CDYL: variants seen among roughly 807,000 people sequenced by gnomAD.
CDYL encodes the protein chromodomain Y like.
CDYL carries 8 observed loss-of-function variants against 47.3 expected under a neutral mutation model. The observed-to-expected ratio is 0.17, with a 90% CI of 0.10 to 0.31. The LOEUF is 0.31. CDYL is among the 10% of genes least tolerant of loss of function. The pLI is 1.00. For synonymous variants in CDYL, 266 were observed against 265.0 expected, an observed-to-expected ratio of 1.00 and a Z score of -0.04; for missense variants, 471 against 701.4, an observed-to-expected ratio of 0.67 and a Z score of 3.71.
intron 2 of CDYL, among the ~76,000 whole-genome samples, chr6:4,898,260 C>T (rs1353343910): frequency 3.9e-5 from 6 of 152,110 alleles, no homozygotes; most frequent in African/African-American, 1.2e-4. Flanking sequence ...GTGCCCAGAC[C>T]AGCGCCCAGA....
intron 1 of CDYL, among the ~76,000 whole-genome samples, chr6:4,796,764 G>A (rs233477): frequency 0.34 from 52,342 of 152,004 alleles, 12,244 homozygotes; most frequent in African/African-American, 0.67. Context: ...TCTGTCTTGA[G>A]AGCACCATAT....
At chr6:4,891,688 A>G in intron 1 of CDYL, 25 bp from the exon 2 acceptor site, 1 of 1,551,560 alleles carries the variant, frequency 6.4e-7, no homozygotes, top group Non-Finnish European at 8.7e-7. Context: ...TTTTTTTAAA[A>G]CTATTTTTTT....
chr6:4,932,416 A>G (rs1758058589), intron 2 of CDYL, among the ~76,000 whole-genome samples: 1 of 151,454 alleles, frequency 6.6e-6, no homozygotes, highest in Admixed American at 6.6e-5. Context: ...CCCCACCCCC[A>G]TGACCTAATC....
Position 4,905,329 on chromosome 6 carries a change from C to T in CDYL, c.691+12950C>T, listed in dbSNP as rs193002777. ...TTTGACACTCCGTCAACCAACTTAG[C>T]GGGGTTGACCTGAGCCTTCGGACAC... is the stretch of plus-strand genomic sequence containing the variant. On this transcript the variant is annotated intron_variant, in intron 2 of 6. Coordinates refer to ENST00000397588, the MANE Select transcript of CDYL (RefSeq NM_004824.4). Among the ~76,000 whole-genome samples the T allele has an allele frequency of 1.1e-4, 16 of 152,258 alleles. 1 individual carries two copies. In the East Asian group the frequency reaches 1.9e-3, roughly 18 times the overall value.
At chr6:4,820,991 A>G (rs1759819162) in intron 1 of CDYL, among the ~76,000 whole-genome samples, 1 of 152,222 alleles carries the variant, frequency 6.6e-6, no homozygotes, top group Non-Finnish European at 1.5e-5. Context: ...AGGTTTCAGT[A>G]TTAATAGCAG....
At chr6:4,852,562 A>G (rs1326124899) in intron 1 of CDYL, among the ~76,000 whole-genome samples, 4 of 61,900 alleles carry the variant, frequency 6.5e-5, no homozygotes, top group Non-Finnish European at 1.2e-4. Context: ...CTTCCTTCCA[A>G]TCTTCCTTCC....
chr6:4,909,569 C>CATTTTT lies in CDYL; in HGVS notation c.691+17190_691+17191insATTTTT, dbSNP rs375154033. ...TGGTGTACTTGAGATAAAATTCATA[C>CATTTTT]TTTTTTTTGTTTGTTTTTGAGACGG... On this transcript the variant is annotated intron_variant, in intron 2 of 6. Transcript: ENST00000397588. Among the ~76,000 whole-genome samples the CATTTTT allele has an allele frequency of 8.6e-5, 13 of 151,796 alleles. 1 individual carries two copies. Among genetic ancestry groups the CATTTTT allele is most frequent in the African/African-American group, 3.1e-4 (13 of 41,304 alleles).
chr6:4,807,255 G>A (rs140490038), intron 1 of CDYL, among the ~76,000 whole-genome samples: 22 of 152,290 alleles, frequency 1.4e-4, no homozygotes, highest in Admixed American at 3.3e-4. Flanking sequence ...TCAGTGGGTC[G>A]CTTATAGATG....
At chr6:4,759,044 T>G (rs1376898490) in intron 3 of CDYL, among the ~76,000 whole-genome samples, 2 of 149,272 alleles carry the variant, frequency 1.3e-5, no homozygotes, top group Non-Finnish European at 3.0e-5. Flanking sequence ...CTCGGCTCAC[T>G]GCAAACTCTG....
chr6:4,765,993 C>T (rs1758246523), intron 3 of CDYL, among the ~76,000 whole-genome samples: 1 of 151,964 alleles, frequency 6.6e-6, no homozygotes, highest in Admixed American at 6.5e-5. Context: ...TTGGTATTTT[C>T]AGAAGACTAA....
intron 5 of CDYL, among the ~76,000 whole-genome samples, chr6:4,949,517 T>G (rs756448005): frequency 5.9e-5 from 9 of 152,214 alleles, no homozygotes; most frequent in Non-Finnish European, 1.2e-4. Context: ...GCATTTCCCA[T>G]CTCTCTGGAT....
upstream of CDYL, chr6:4,773,198 G>T (rs770679680): frequency 2.2e-6 from 1 of 457,358 alleles, no homozygotes; most frequent in South Asian, 1.5e-5. This position sits in a 1 kb window ranked among gnomAD's most constrained non-coding sequence, Gnocchi z 4.6. Context: ...GTTTATTGCT[G>T]GTAGACGTGT....
intron 1 of CDYL, chr6:4,715,652 A>G: frequency 7.8e-7 from 1 of 1,283,310 alleles, no homozygotes; most frequent in South Asian, 1.6e-5. Context: ...GATTCAATGT[A>G]GAACTGGTGA....
At chr6:4,831,192 T>C (rs958272119) in intron 1 of CDYL, among the ~76,000 whole-genome samples, 1 of 152,216 alleles carries the variant, frequency 6.6e-6, no homozygotes, top group Non-Finnish European at 1.5e-5. Flanking sequence ...GGTTTTCTTC[T>C]AGGGTTTTTA....
intron 2 of CDYL, among the ~76,000 whole-genome samples, chr6:4,909,052 G>A (rs1199439872): frequency 1.3e-5 from 2 of 152,230 alleles, no homozygotes; most frequent in Non-Finnish European, 2.9e-5. Flanking sequence ...TAGACACACC[G>A]TGCCTTGGGG....
upstream of CDYL, among the ~76,000 whole-genome samples, chr6:4,771,869 C>T (rs1758343088): frequency 6.6e-6 from 1 of 152,220 alleles, no homozygotes; most frequent in South Asian, 2.1e-4. Context: ...TTAGTTACTG[C>T]CTTGGCATAA....
chr6:4,877,260 T>C (rs1761645995), intron 1 of CDYL, among the ~76,000 whole-genome samples: 2 of 152,244 alleles, frequency 1.3e-5, no homozygotes, highest in African/African-American at 4.8e-5. Flanking sequence ...TTCAACATTT[T>C]TTTTCTTATT....
chr6:4,902,948 G>A (rs1161632415), intron 2 of CDYL, among the ~76,000 whole-genome samples: 1 of 152,206 alleles, frequency 6.6e-6, no homozygotes, highest in Non-Finnish European at 1.5e-5. Context: ...GAAGTGTTGT[G>A]CAGATATTTC....
intron 1 of CDYL, among the ~76,000 whole-genome samples, chr6:4,779,227 CCAAGT>C (rs1456543031): frequency 5.3e-5 from 8 of 151,596 alleles, no homozygotes; most frequent in African/African-American, 9.7e-5. Context: ...TGTTTTGTGG[CCAAGT>C]CAAGGGTTGT....
Sources: gnomAD v4.1 joint callset for allele counts (sites outside exome capture counted in the v4.1 genomes callset) on GRCh38, gnomAD v4.1.1 for gene constraint, Gnocchi (gnomAD v3.1) non-coding constraint, MANE v1.5 for transcripts, NCBI Gene and HGNC (gene_info 2026-07-23, HGNC 2026-07-21) for gene names.